The following BMP7 variants were observed in gnomAD, a reference collection of about 807,000 sequenced individuals.
BMP7 encodes osteogenic protein 1.
In BMP7, 12 loss-of-function variants were observed where a neutral mutation model predicts 41.2. That is an observed-to-expected ratio of 0.29 (90% CI 0.19 to 0.47). BMP7 has a LOEUF of 0.47. Among genes scored for constraint, BMP7 ranks in the 20% least tolerant of loss-of-function variants. The pLI is 0.99. For synonymous variants in BMP7, 248 were observed against 250.0 expected, an observed-to-expected ratio of 0.99 and a Z score of 0.07; for missense variants, 467 against 606.0, an observed-to-expected ratio of 0.77 and a Z score of 2.41.
At position 57,214,599 on chromosome 20, in the gene BMP7, T is replaced by C. The variant is rs1286982518; in HGVS notation, c.612-11976A>G. Among the ~76,000 whole-genome samples the C allele has an allele frequency of 6.6e-6, 1 of 152,038 alleles. No homozygotes were observed. The highest frequency in any genetic ancestry group is 6.6e-5 in the Admixed American group (1 of 15,262). The stretch of plus-strand genomic sequence containing the variant: ...CCACCACAGCCCCTCACACATGCTG[T>C]TTCCGCTGCCTGCAACACTGTTCCC... On this transcript the variant is annotated intron_variant, in intron 2 of 6. Transcript: ENST00000395863. This position sits in a 1 kb window ranked among gnomAD's most constrained non-coding sequence, Gnocchi z 4.0.
At chr20:57,263,066 A>G (rs151250390) in intron 1 of BMP7, among the ~76,000 whole-genome samples, 2 of 152,194 alleles carry the variant, frequency 1.3e-5, no homozygotes, top group African/African-American at 4.8e-5. Context: ...CAACATTAGA[A>G]GCATCTACAG....
intron 2 of BMP7, among the ~76,000 whole-genome samples, chr20:57,202,905 C>G (rs1984656917): frequency 6.6e-6 from 1 of 152,158 alleles, no homozygotes; most frequent in East Asian, 1.9e-4. Context: ...CCCAGCGGGA[C>G]AGAGTATAGG....
At chr20:57,257,824 C>CAAAAAAA (rs139904463) in intron 1 of BMP7, among the ~76,000 whole-genome samples, 1 of 103,268 alleles carries the variant, frequency 9.7e-6, no homozygotes, top group African/African-American at 3.6e-5. Flanking sequence ...CACAAGCCAC[C>CAAAAAAA]AAAAAAAAAA....
intron 3 of BMP7, among the ~76,000 whole-genome samples, chr20:57,199,009 C>T (rs1054698208): frequency 6.6e-6 from 1 of 152,158 alleles, no homozygotes; most frequent in Admixed American, 6.5e-5. Flanking sequence ...CTGTCTCTAC[C>T]CCTTCTGGAT....
intron 1 of BMP7, among the ~76,000 whole-genome samples, chr20:57,265,078 AAAAT>A (rs1391384147): frequency 2.0e-5 from 3 of 151,986 alleles, no homozygotes; most frequent in African/African-American, 7.2e-5. Flanking sequence ...AAAAAAGAAA[AAAAT>A]AAACAAAGAA....
intron 3 of BMP7, among the ~76,000 whole-genome samples, chr20:57,193,516 A>G (rs1198464267): frequency 6.6e-6 from 1 of 152,188 alleles, no homozygotes; most frequent in African/African-American, 2.4e-5. Flanking sequence ...TCACATCACT[A>G]TAACTGCATT....
intron 2 of BMP7, among the ~76,000 whole-genome samples, chr20:57,222,233 G>A (rs113913820): frequency 3.9e-5 from 6 of 152,232 alleles, no homozygotes; most frequent in African/African-American, 9.6e-5. Flanking sequence ...GCCACCACCC[G>A]TATGCTCCCT....
In BMP7 at chr20:57,173,270, C is replaced by A; in HGVS notation, c.1076G>T (p.Cys359Phe). The A allele has an allele frequency of 1.2e-6, 2 of 1,614,214 alleles. No individual in the cohort carries two copies. Among genetic ancestry groups the A allele is most frequent in the Non-Finnish European group, 8.5e-7 (1 of 1,180,040 alleles). ...CAGAGGGAAGGCACACTCCCCCTCA[C>A]AGTAGTAGGCGGCGTAGCCTTCAGG... is the stretch of plus-strand genomic sequence containing the variant. ...IAPEGYAAYY[C>F]EGECAFPLNS... Residue 359 changes from cysteine (C) to phenylalanine (F), a missense_variant, in exon 6 of 7, where the codon TGT becomes TTT. Physicochemically the swap from Cys to Phe is radical, Grantham distance 205. Around this residue, in one of 2 missense-constraint regions of BMP7, gnomAD observed 60 missense variants for 120.1 expected, o/e 0.50. Coordinates refer to ENST00000395863, the MANE Select transcript of BMP7 (RefSeq NM_001719.3).
chr20:57,209,247 TTTTA>T lies in BMP7; in HGVS notation c.612-6628_612-6625del, dbSNP rs1555814038. Among the ~76,000 whole-genome samples, 591 of 69,846 alleles carry T rather than the reference TTTTA, an allele frequency of 8.5e-3. 10 individuals are homozygous for T. The highest frequency in any genetic ancestry group is 0.027 in the Middle Eastern group (4 of 148). The allele number at this position is 69,846 out of a possible 152,430, so 45.8% of individuals were successfully genotyped here. On this transcript the variant is annotated intron_variant, in intron 2 of 6. Transcript: ENST00000395863. ...TAAACAAATACCTAGATTTATATAT[TTTTA>T]TATATATATATATATATATATATAT...
chr20:57,231,293 G>A, intron 1 of BMP7, among the ~76,000 whole-genome samples: 1 of 152,218 alleles, frequency 6.6e-6, no homozygotes, highest in East Asian at 1.9e-4. Context: ...CGCAATCCAT[G>A]TATCCATTCT....
At chr20:57,212,286 C>A (rs1984909358) in intron 2 of BMP7, among the ~76,000 whole-genome samples, 1 of 152,210 alleles carries the variant, frequency 6.6e-6, no homozygotes, top group South Asian at 2.1e-4. Context: ...GCGTTCCCGG[C>A]AGAGAGAACC....
chr20:57,186,989 A>G (rs1448328232), intron 3 of BMP7: 1 of 152,246 alleles, frequency 6.6e-6, no homozygotes, highest in African/African-American at 2.4e-5. Flanking sequence ...TTCCCCCACT[A>G]GAAGGCTTTT....
At chr20:57,237,996 T>G (rs559448449) in intron 1 of BMP7, among the ~76,000 whole-genome samples, 17 of 152,368 alleles carry the variant, frequency 1.1e-4, no homozygotes, top group Non-Finnish European at 5.9e-5. Flanking sequence ...TAACCACTTT[T>G]ACGTGTACAG....
chr20:57,179,049 A>G (rs540873522), intron 4 of BMP7, among the ~76,000 whole-genome samples: 113 of 152,338 alleles, frequency 7.4e-4, no homozygotes, highest in African/African-American at 2.5e-3. Flanking sequence ...AAGGCCGAGC[A>G]CAGCTCATGA....
chr20:57,178,279 G>A (rs1345633734), intron 4 of BMP7, among the ~76,000 whole-genome samples: 1 of 152,208 alleles, frequency 6.6e-6, no homozygotes, highest in Non-Finnish European at 1.5e-5. Flanking sequence ...GGCAGGCACT[G>A]AGCCTGGCAA....
chr20:57,246,453 A>G (rs2066091031), intron 1 of BMP7, among the ~76,000 whole-genome samples: 1 of 152,196 alleles, frequency 6.6e-6, no homozygotes, highest in Non-Finnish European at 1.5e-5. Flanking sequence ...AGACTCTCCA[A>G]TTAGCAATGC....
intron 2 of BMP7, 92 bp from the exon 3 acceptor site, chr20:57,202,715 G>T (rs2123090245): frequency 2.9e-4 from 211 of 717,022 alleles, no homozygotes; most frequent in Middle Eastern, 8.5e-4. Flanking sequence ...CATGGGGTGG[G>T]AGGGGAGGGA....
chr20:57,204,176 C>T (rs1048043764), intron 2 of BMP7, among the ~76,000 whole-genome samples: 3 of 152,162 alleles, frequency 2.0e-5, no homozygotes, highest in African/African-American at 7.2e-5. Context: ...CACCAGTCAA[C>T]CTCGTTGGAA....
At chr20:57,231,478 A>G (rs2066029221) in intron 1 of BMP7, among the ~76,000 whole-genome samples, 1 of 152,166 alleles carries the variant, frequency 6.6e-6, no homozygotes, top group Non-Finnish European at 1.5e-5. Flanking sequence ...TGAGTATGCT[A>G]GGAGAGAGGT....
Sources: gnomAD v4.1 joint callset for allele counts (sites outside exome capture counted in the v4.1 genomes callset) on GRCh38, gnomAD v4.1.1 for gene constraint, gnomAD v4.1.1 regional missense constraint, Gnocchi (gnomAD v3.1) non-coding constraint, MANE v1.5 for transcripts, NCBI Gene and HGNC (gene_info 2026-07-23, HGNC 2026-07-21) for gene names.